The following MAP3K14 variants were observed in gnomAD, a reference collection of about 807,000 sequenced individuals.
MAP3K14 encodes mitogen-activated protein kinase kinase kinase 14.
In MAP3K14, 16 loss-of-function variants were observed where a neutral mutation model predicts 99.2. The ratio of observed to expected loss-of-function variants is 0.16; its 90% CI spans 0.11 to 0.24. The LOEUF (loss-of-function observed/expected upper bound fraction) is 0.24. MAP3K14 is among the 10% of genes least tolerant of loss of function. MAP3K14 has a pLI of 1.00. For synonymous variants in MAP3K14, 462 were observed against 492.4 expected (o/e 0.94, Z 0.82); for missense variants, 784 against 1,208.7 (o/e 0.65, Z 5.21).
chr17:45,287,312 C>T lies in MAP3K14; in HGVS notation c.379G>A (p.Gly127Ser). Residue 127 changes from glycine to serine, a missense_variant, in exon 4 of 16, where the codon GGC becomes AGC. Gly to Ser is a moderately conservative substitution (Grantham distance 56). Transcript: ENST00000344686. ...IPNNVAHATE[G>S]KMARVCWKGK... ...TTCCAACACACACGGGCCATTTTGC[C>T]CTCTGTAGCATGGGCCACATTGTTG... The T allele has an allele frequency of 2.5e-6, 4 of 1,614,024 alleles. No individual in the cohort carries two copies. The highest frequency in any genetic ancestry group is 3.4e-6 in the Non-Finnish European group (4 of 1,179,898).
chr17:45,301,520 AG>A, intron 1 of MAP3K14, among the ~76,000 whole-genome samples: 1 of 152,324 alleles, frequency 6.6e-6, no homozygotes, highest in Admixed American at 6.5e-5. Flanking sequence ...GGAACAAAAA[AG>A]TCTAATTACA....
At chr17:45,310,189 A>G in intron 1 of MAP3K14, among the ~76,000 whole-genome samples, 1 of 151,976 alleles carries the variant, frequency 6.6e-6, no homozygotes, top group South Asian at 2.1e-4. Context: ...ATGTGCCACC[A>G]TGCCCAGCTA....
intron 14 of MAP3K14, chr17:45,266,245 T>G (rs1041900250): frequency 4.4e-5 from 15 of 338,976 alleles, no homozygotes; most frequent in African/African-American, 3.1e-4. Context: ...TTTTCCTGAC[T>G]CCAGGTCAAG....
chr17:45,295,477 T>C (rs1360186173), intron 1 of MAP3K14, among the ~76,000 whole-genome samples: 2 of 152,190 alleles, frequency 1.3e-5, no homozygotes, highest in Non-Finnish European at 2.9e-5. Flanking sequence ...CTTCTAGTTC[T>C]GAGAATGTAG....
chr17:45,316,888 T>G (rs2044540310), intron 1 of MAP3K14, 72 bp downstream of exon 1: 1 of 151,946 alleles, frequency 6.6e-6, no homozygotes, highest in African/African-American at 2.4e-5. Flanking sequence ...AGCCCGGGGC[T>G]GAGAGGCGAT....
At chr17:45,274,047 A>G (rs1044942512) in intron 8 of MAP3K14, 76 bp downstream of exon 8, 1 of 1,546,128 alleles carries the variant, frequency 6.5e-7, no homozygotes, top group African/African-American at 1.4e-5. Context: ...GCTAGCCCAG[A>G]ACTGAGAGGA....
chr17:45,266,586 G>A lies in MAP3K14; in HGVS notation c.2529C>T (p.Asn843=), dbSNP rs2044085695. 1 of 1,613,814 alleles carries A rather than the reference G, an allele frequency of 6.2e-7. No individual in the cohort carries two copies. Among genetic ancestry groups the A allele is most frequent in the Non-Finnish European group, 8.5e-7 (1 of 1,179,868 alleles). The change falls in exon 14 of 16, where the codon AAC becomes AAT. Residue 843 remains asparagine (N), a synonymous_variant. Coordinates refer to ENST00000344686, the MANE Select transcript of MAP3K14 (RefSeq NM_003954.5). ...SQAEARSSSW[N]MVLARGRPTD... is the part of the protein sequence containing the mutation. Reference sequence around the variant, plus strand: ...TGGGCCGCCCCCGGGCCAGCACCATGTTCCAGCTGGAGCTTCGAGCCTCGG... The same window carrying A: ...TGGGCCGCCCCCGGGCCAGCACCATATTCCAGCTGGAGCTTCGAGCCTCGG...
intron 1 of MAP3K14, among the ~76,000 whole-genome samples, chr17:45,308,869 G>GT (rs1017353388): frequency 1.3e-5 from 2 of 152,096 alleles, no homozygotes; most frequent in African/African-American, 4.8e-5. Flanking sequence ...GTCTCACCAT[G>GT]TTGGCCAGGC....
Position 45,287,178 on chromosome 17 carries a change from C to T in MAP3K14, c.513G>A (p.Gln171=), listed in dbSNP as rs763651102. The change falls in exon 4 of 16, where the codon CAG becomes CAA. Residue 171 remains glutamine, a synonymous_variant. Transcript: ENST00000344686. The part of the protein sequence containing the change: ...LAKPLPRTPE[Q]ESCTIPVQED... ...CCTGCACTGGGATGGTGCAGCTCTC[C>T]TGCTCAGGGGTCCTGGGGAGGGGTT... 3.7e-6 allele frequency: 6 copies of T among 1,613,844 alleles called. No homozygotes were observed. In the South Asian group the frequency reaches 6.6e-5, roughly 18 times the overall value.
intron 1 of MAP3K14, among the ~76,000 whole-genome samples, chr17:45,315,817 C>G (rs1568006499): frequency 6.6e-6 from 1 of 152,192 alleles, no homozygotes; most frequent in African/African-American, 2.4e-5. Flanking sequence ...ACACTACAAT[C>G]TGTCTTACCA....
chr17:45,264,494 G>T lies in MAP3K14; in HGVS notation c.*142C>A. On this transcript the variant is annotated 3_prime_UTR_variant, in exon 16 of 16. Transcript: ENST00000344686. ...GAGGCATTCTGCTTGCCCCCACCTT[G>T]CTGCTGCGAGGCCCTGGTCCCACTG... 1 of 1,037,194 alleles carries T rather than the reference G, an allele frequency of 9.6e-7. No homozygotes were observed. The highest frequency in any genetic ancestry group is 1.3e-6 in the Non-Finnish European group (1 of 743,264). 64.2% of individuals were successfully genotyped at this position (1,037,194 alleles called of 1,614,324 possible).
intron 1 of MAP3K14, among the ~76,000 whole-genome samples, chr17:45,293,231 G>T (rs1336793222): frequency 2.6e-5 from 4 of 152,214 alleles, no homozygotes; most frequent in African/African-American, 9.6e-5. Flanking sequence ...AGGCCAGGTG[G>T]TGCAGTTGCT....
chr17:45,267,671 A>C lies in MAP3K14; in HGVS notation c.2061T>G (p.His687Gln), dbSNP rs1171728075. 6.2e-7 allele frequency: 1 copy of C among 1,613,862 alleles called. No homozygotes were observed. The highest frequency in any genetic ancestry group is 1.7e-5 in the Admixed American group (1 of 59,976). Residue 687 changes from histidine (H) to glutamine (Q), a missense_variant, in exon 12 of 16, where the codon CAT (histidine) becomes CAG (glutamine). Physicochemically the swap from His to Gln is conservative, Grantham distance 24. Coordinates refer to ENST00000344686, the MANE Select transcript of MAP3K14 (RefSeq NM_003954.5). This position sits in a 1 kb window ranked among gnomAD's most constrained non-coding sequence, Gnocchi z 5.1. ...TTGGCGAAAGCTCTCTCGGCTGGGC[A>C]TGGAGGGTCTGGTGGTAATTGGCTT... ...PNQANYHQTL[H>Q]AQPRELSPRA...
At chr17:45,270,648 C>G in intron 10 of MAP3K14, 85 bp from the exon 11 acceptor site, 1 of 1,437,894 alleles carries the variant, frequency 7.0e-7, no homozygotes, top group African/African-American at 1.4e-5. Flanking sequence ...CAACTCCCGC[C>G]GGCCCCTGTT....
intron 6 of MAP3K14, among the ~76,000 whole-genome samples, chr17:45,275,259 G>A (rs912275404): frequency 2.0e-5 from 3 of 151,966 alleles, no homozygotes; most frequent in Non-Finnish European, 4.4e-5. Flanking sequence ...ATCGAGGTCG[G>A]GAGATCAAGA....
chr17:45,288,455 G>A (rs2044285561), intron 3 of MAP3K14, among the ~76,000 whole-genome samples: 2 of 147,560 alleles, frequency 1.4e-5, no homozygotes, highest in East Asian at 2.0e-4. Flanking sequence ...TCGGCTCACT[G>A]CAACCTTCGA....
chr17:45,274,010 T>G (rs2044159995), intron 8 of MAP3K14, 113 bp downstream of exon 8: 1 of 1,284,032 alleles, frequency 7.8e-7, no homozygotes, highest in Non-Finnish European at 1.1e-6. Flanking sequence ...TCAGCCTGAC[T>G]CAGGGCCTGC....
chr17:45,305,602 A>C (rs1298508498), intron 1 of MAP3K14, among the ~76,000 whole-genome samples: 2 of 151,978 alleles, frequency 1.3e-5, no homozygotes, highest in Non-Finnish European at 2.9e-5. Context: ...GGATTGTGCC[A>C]TCTTGGCCAG....
Position 45,264,624 on chromosome 17 carries a change from TG to T in MAP3K14, c.*11del. On this transcript the variant is annotated 3_prime_UTR_variant, in exon 16 of 16. Transcript: ENST00000344686. Reference sequence around the variant, plus strand: ...GCTTCCGGCAGTGTGGAGCCGGCGGTGGAGGGCAGGGTTAGGGCCTGTTCTC... The same window carrying T: ...GCTTCCGGCAGTGTGGAGCCGGCGGTGAGGGCAGGGTTAGGGCCTGTTCTC... The T allele has an allele frequency of 6.4e-7, 1 of 1,563,786 alleles. No homozygotes were observed.
Sources: gnomAD v4.1 joint callset for allele counts (sites outside exome capture counted in the v4.1 genomes callset) on GRCh38, gnomAD v4.1.1 for gene constraint, Gnocchi (gnomAD v3.1) non-coding constraint, MANE v1.5 for transcripts, NCBI Gene and HGNC (gene_info 2026-07-23, HGNC 2026-07-21) for gene names.